Variants in ZNF678 observed in about 807,000 individuals in gnomAD.
The protein encoded by ZNF678 is hypothetical protein MGC42493.
In ZNF678, 5 loss-of-function variants were observed where a neutral mutation model predicts 3.0. That is an observed-to-expected ratio of 1.69 (90% CI 0.88 to 3.56). The LOEUF (loss-of-function observed/expected upper bound fraction) is 3.56. ZNF678 is among the 30% of genes most tolerant of loss of function. The pLI is 0.00. For synonymous variants in ZNF678, 218 were observed against 199.6 expected (o/e 1.09, Z -0.78); for missense variants, 593 against 605.0 (o/e 0.98, Z 0.21).
chr1:227,641,389 TTTTTCATTAC>T (rs1396797690), intron 1 of ZNF678, among the ~76,000 whole-genome samples: 3 of 152,208 alleles, frequency 2.0e-5, no homozygotes, highest in African/African-American at 4.8e-5. Flanking sequence ...GTCTTCTACT[TTTTTCATTAC>T]TTTTCATTAC....
At chr1:227,598,865 T>A (rs1657661325) in intron 1 of ZNF678, 4 of 633,798 alleles carry the variant, frequency 6.3e-6, no homozygotes, top group Non-Finnish European at 1.2e-5. Context: ...ACCTACCAAA[T>A]TTATTCTTTT....
At chr1:227,624,039 A>G (rs952807771) in intron 1 of ZNF678, among the ~76,000 whole-genome samples, 2 of 152,172 alleles carry the variant, frequency 1.3e-5, no homozygotes, top group African/African-American at 4.8e-5. Flanking sequence ...TTTTATATGT[A>G]CTATAAGTAG....
chr1:227,584,213 C>G (rs1336688788), intron 1 of ZNF678, among the ~76,000 whole-genome samples: 1 of 152,138 alleles, frequency 6.6e-6, no homozygotes, highest in Non-Finnish European at 1.5e-5. Flanking sequence ...GTCACAAGGC[C>G]TAAAGCAGTC....
chr1:227,652,329 A>C (rs1046339235), intron 3 of ZNF678, among the ~76,000 whole-genome samples: 7 of 152,112 alleles, frequency 4.6e-5, no homozygotes, highest in Non-Finnish European at 1.0e-4. Context: ...CGCTTTGTCT[A>C]TTATGCCAGT....
chr1:227,649,364 G>T (rs1460215022), intron 2 of ZNF678, among the ~76,000 whole-genome samples: 1 of 152,060 alleles, frequency 6.6e-6, no homozygotes, highest in Non-Finnish European at 1.5e-5. Context: ...GCTGTGTTGT[G>T]TTTGAGATGG....
At chr1:227,666,831 G>A (rs372856301), downstream of ZNF678, among the ~76,000 whole-genome samples, 524 of 137,390 alleles carry the variant, frequency 3.8e-3, 3 homozygotes, top group African/African-American at 0.013. Flanking sequence ...TCCAACCTCC[G>A]CCTCCCGGGT....
chr1:227,578,064 C>T (rs1657031003), intron 1 of ZNF678, among the ~76,000 whole-genome samples: 1 of 152,044 alleles, frequency 6.6e-6, no homozygotes, highest in Non-Finnish European at 1.5e-5. Context: ...AATATTGGTC[C>T]CCAGTCTCTT....
At chr1:227,574,474 G>A (rs1029596485) in intron 1 of ZNF678, among the ~76,000 whole-genome samples, 13 of 152,034 alleles carry the variant, frequency 8.6e-5, no homozygotes, top group Admixed American at 5.9e-4. Context: ...GTTTTCTTTT[G>A]AAAAGCGTCT....
chr1:227,678,945 TAAC>T (rs1659724994), downstream of ZNF678, among the ~76,000 whole-genome samples: 1 of 152,190 alleles, frequency 6.6e-6, no homozygotes, highest in African/African-American at 2.4e-5. Flanking sequence ...GCAGGAGTCT[TAAC>T]AGCAGTGGGA....
At chr1:227,620,381 G>A (rs1238280042) in intron 1 of ZNF678, among the ~76,000 whole-genome samples, 1 of 152,114 alleles carries the variant, frequency 6.6e-6, no homozygotes, top group Non-Finnish European at 1.5e-5. Context: ...TTGTGTGTGT[G>A]TGTGTTGCCT....
At chr1:227,625,446 A>T (rs1658387045) in intron 1 of ZNF678, among the ~76,000 whole-genome samples, 1 of 152,168 alleles carries the variant, frequency 6.6e-6, no homozygotes, top group Non-Finnish European at 1.5e-5. Flanking sequence ...AGGCCGGTCC[A>T]GGGGTCCGTG....
At chr1:227,618,669 A>T (rs1658199483) in intron 1 of ZNF678, among the ~76,000 whole-genome samples, 1 of 152,154 alleles carries the variant, frequency 6.6e-6, no homozygotes, top group South Asian at 2.1e-4. Context: ...TTTGCTAGGT[A>T]AAAAAATCAA....
At chr1:227,636,890 G>A (rs1658692871) in intron 1 of ZNF678, among the ~76,000 whole-genome samples, 1 of 152,192 alleles carries the variant, frequency 6.6e-6, no homozygotes, top group South Asian at 2.1e-4. Context: ...TTTCCAGACG[G>A]ATGAGTGTGA....
intron 1 of ZNF678, among the ~76,000 whole-genome samples, chr1:227,643,093 T>C (rs1004337143): frequency 2.6e-5 from 4 of 152,112 alleles, no homozygotes; most frequent in African/African-American, 9.7e-5. Context: ...TTTGAGCTTC[T>C]TACTTCCCTA....
intron 1 of ZNF678, among the ~76,000 whole-genome samples, chr1:227,566,462 A>C (rs938392547): frequency 2.0e-5 from 3 of 152,202 alleles, no homozygotes; most frequent in Admixed American, 2.0e-4. Context: ...ATGCAAAGCA[A>C]AACATCCCTG....
chr1:227,620,967 T>G lies in ZNF678; in HGVS notation c.-163-25577T>G, dbSNP rs116738542. Among the ~76,000 whole-genome samples, 677 of 152,234 alleles carry G rather than the reference T, an allele frequency of 4.4e-3. 2 individuals carry two copies. Among genetic ancestry groups the G allele is most frequent in the African/African-American group, 0.015 (622 of 41,526 alleles). The stretch of plus-strand genomic sequence containing the variant: ...GATCACATTACTCAGATTAAAAAGT[T>G]TCTTGCCAGGTGCCATGGGTCACAC... On this transcript the variant is annotated intron_variant, in intron 1 of 3. Coordinates refer to ENST00000343776, the MANE Select transcript of ZNF678 (RefSeq NM_001367909.1).
intron 2 of ZNF678, among the ~76,000 whole-genome samples, chr1:227,647,312 G>A (rs1658983516): frequency 6.6e-6 from 1 of 152,176 alleles, no homozygotes; most frequent in Admixed American, 6.5e-5. Context: ...ATATTGTATA[G>A]TTAATGTCAG....
chr1:227,632,215 A>G (rs1214270118), intron 1 of ZNF678, among the ~76,000 whole-genome samples: 1 of 152,102 alleles, frequency 6.6e-6, no homozygotes, highest in Non-Finnish European at 1.5e-5. Context: ...TTCATAGCCT[A>G]GTGCCTAAGG....
intron 3 of ZNF678, 137 bp downstream of exon 3, chr1:227,651,213 G>C (rs1659084594): frequency 1.1e-6 from 1 of 926,860 alleles, no homozygotes; most frequent in African/African-American, 1.7e-5. Flanking sequence ...TTATTACCAG[G>C]GGCTTGTGTG....
Sources: allele counts gnomAD v4.1 joint callset (sites outside exome capture counted in the v4.1 genomes callset), GRCh38; gene constraint gnomAD v4.1.1; transcripts MANE v1.5; gene names NCBI Gene and HGNC (gene_info 2026-07-23, HGNC 2026-07-21).